The following RHBDL3 variants were observed in gnomAD, a reference collection of about 807,000 sequenced individuals.
RHBDL3 encodes the protein rhomboid-related protein 3.
A neutral mutation model predicts 48.2 loss-of-function variants in RHBDL3; 28 were observed. The ratio of observed to expected loss-of-function variants is 0.58; its 90% CI spans 0.43 to 0.80. RHBDL3 has a LOEUF of 0.80. Among genes scored for constraint, RHBDL3 ranks in the 30% least tolerant of loss-of-function variants. The probability of loss-of-function intolerance (pLI) is 0.00; values close to 1 mark genes in which losing one functional copy is unlikely to be tolerated. For missense variants in RHBDL3, 464 were observed against 542.7 expected, an observed-to-expected ratio of 0.85 and a Z score of 1.44; for synonymous variants, 208 against 232.3, an observed-to-expected ratio of 0.90 and a Z score of 0.95.
At chr17:32,319,269 A>G (rs1183941139) in intron 8 of RHBDL3, among the ~76,000 whole-genome samples, 3 of 151,914 alleles carry the variant, frequency 2.0e-5, no homozygotes. Flanking sequence ...AAAAATACAA[A>G]AAATTAGCCG....
chr17:32,294,411 C>T lies in RHBDL3; in HGVS notation c.637C>T (p.Arg213Cys), dbSNP rs748863522. The T allele has an allele frequency of 8.1e-6, 13 of 1,614,098 alleles. 1 individual carries two copies. The highest frequency in any genetic ancestry group is 1.0e-5 in the Non-Finnish European group (12 of 1,179,980). Residue 213 changes from arginine to cysteine, a missense_variant, in exon 5 of 9, where the codon CGC becomes TGC. Physicochemically the swap from Arg to Cys is radical, Grantham distance 180 (BLOSUM62 -3). Coordinates refer to ENST00000269051, the MANE Select transcript of RHBDL3 (RefSeq NM_138328.3). ...YHPQLRAQVW[R>C]YLTYIFMHAG... Reference sequence around the variant, plus strand: ...CCCACAGCTGCGAGCACAGGTTTGGCGCTACCTGACATACATCTTCATGCA... The same window carrying T: ...CCCACAGCTGCGAGCACAGGTTTGGTGCTACCTGACATACATCTTCATGCA...
intron 6 of RHBDL3, among the ~76,000 whole-genome samples, chr17:32,298,464 C>T (rs569051538): frequency 4.7e-4 from 72 of 152,364 alleles, no homozygotes; most frequent in Middle Eastern, 3.4e-3. Flanking sequence ...AACCGACTCT[C>T]GGTCTCACAC....
chr17:32,303,251 C>A (rs1361442616), intron 6 of RHBDL3, among the ~76,000 whole-genome samples: 1 of 152,152 alleles, frequency 6.6e-6, no homozygotes, highest in African/African-American at 2.4e-5. Context: ...GGAGTGGACT[C>A]TGGGCCAGTT....
chr17:32,288,723 CTGGGAAGTGGG>C (rs2040254305), intron 3 of RHBDL3, 58 bp from the exon 4 acceptor site: 1 of 1,166,592 alleles, frequency 8.6e-7, no homozygotes, highest in African/African-American at 1.5e-5. Context: ...AACATGCTGG[CTGGGAAGTGGG>C]TGGGGAGCTC....
chr17:32,288,843 C>A lies in RHBDL3; in HGVS notation c.346C>A (p.Arg116Ser). 1 of 1,613,994 alleles carries A rather than the reference C, an allele frequency of 6.2e-7. No homozygotes were observed. The highest frequency in any genetic ancestry group is 8.5e-7 in the Non-Finnish European group (1 of 1,179,944). The part of the protein sequence containing the change: ...SFRQAILQGN[R>S]RLSSKALLEE... ...CCGCCAAGCCATCCTGCAGGGCAAC[C>A]GCAGGCTAAGCAGCAAGGCCCTGCT... The change falls in exon 4 of 9, where the codon CGC becomes AGC. Residue 116 changes from arginine (R) to serine (S), a missense_variant. Physicochemically the swap from Arg to Ser is moderately radical, Grantham distance 110 (BLOSUM62 -1). Transcript: ENST00000269051.
chr17:32,321,543 G>C lies in RHBDL3; in HGVS notation c.*314G>C. 3.8e-6 allele frequency: 2 copies of C among 523,962 alleles called. No individual in the cohort carries two copies. Among genetic ancestry groups the C allele is most frequent in the South Asian group, 4.1e-5 (2 of 49,270 alleles). The allele number at this position is 523,962 out of a possible 1,614,324, so 32.5% of individuals were successfully genotyped here. On this transcript the variant is annotated 3_prime_UTR_variant, in exon 9 of 9. Coordinates refer to ENST00000269051, the MANE Select transcript of RHBDL3 (RefSeq NM_138328.3). ...GGCTGGGCTTCTTCCATGGGGCCAG[G>C]GGGTGCCCCCTCACTGCTGCGGATT... is the stretch of plus-strand genomic sequence containing the variant.
At chr17:32,278,260 T>C (rs554069279) in intron 2 of RHBDL3, among the ~76,000 whole-genome samples, 6 of 152,174 alleles carry the variant, frequency 3.9e-5, no homozygotes, top group Non-Finnish European at 8.8e-5. Context: ...ATCGCACCAC[T>C]GCATTCCAGC....
chr17:32,306,241 G>A (rs562180988), intron 7 of RHBDL3, among the ~76,000 whole-genome samples: 2 of 151,926 alleles, frequency 1.3e-5, no homozygotes. Flanking sequence ...GGCCAACATG[G>A]TGAAACCCCA....
intron 2 of RHBDL3, among the ~76,000 whole-genome samples, chr17:32,269,123 G>A (rs1252697539): frequency 6.6e-6 from 1 of 152,178 alleles, no homozygotes; most frequent in Non-Finnish European, 1.5e-5. Context: ...TAAGGCGGGA[G>A]GATCACTTGA....
intron 2 of RHBDL3, among the ~76,000 whole-genome samples, chr17:32,273,210 C>G (rs2039815432): frequency 1.3e-5 from 2 of 152,170 alleles, no homozygotes; most frequent in Admixed American, 6.5e-5. Flanking sequence ...CCACTTTGGC[C>G]AGGCTGGTCT....
At chr17:32,298,620 G>A (rs893696528) in intron 6 of RHBDL3, among the ~76,000 whole-genome samples, 2 of 152,222 alleles carry the variant, frequency 1.3e-5, no homozygotes, top group Non-Finnish European at 1.5e-5. Context: ...ACAGTGCTCC[G>A]AAAACTGCAA....
intron 3 of RHBDL3, 22 bp downstream of exon 3, chr17:32,284,839 G>A: frequency 1.9e-6 from 3 of 1,607,506 alleles, no homozygotes; most frequent in Non-Finnish European, 2.6e-6. Flanking sequence ...GGGGCCCTTG[G>A]TACTCGGGGG....
At chr17:32,294,555 G>A in intron 5 of RHBDL3, 113 bp downstream of exon 5, 1 of 1,055,386 alleles carries the variant, frequency 9.5e-7, no homozygotes, top group African/African-American at 1.6e-5. Flanking sequence ...TTGGACATAG[G>A]ATTTGGGATG....
chr17:32,314,429 C>T (rs1317902507), intron 7 of RHBDL3, among the ~76,000 whole-genome samples: 5 of 151,966 alleles, frequency 3.3e-5, no homozygotes, highest in Admixed American at 1.3e-4. Context: ...GTAATCCACC[C>T]GCCTCAGCCT....
chr17:32,270,975 C>T (rs1003587247), intron 2 of RHBDL3, among the ~76,000 whole-genome samples: 6 of 152,124 alleles, frequency 3.9e-5, no homozygotes, highest in Admixed American at 3.3e-4. Context: ...GTGGGCAGAT[C>T]GCTTGAGCCC....
chr17:32,290,103 C>G (rs1191469788), intron 4 of RHBDL3, among the ~76,000 whole-genome samples: 2 of 152,274 alleles, frequency 1.3e-5, no homozygotes, highest in East Asian at 3.9e-4. Context: ...GATTTGCTAC[C>G]AGGCCACCCT....
At chr17:32,313,320 C>T (rs889467421) in intron 7 of RHBDL3, among the ~76,000 whole-genome samples, 30 of 152,190 alleles carry the variant, frequency 2.0e-4, no homozygotes, top group Non-Finnish European at 7.4e-5. Context: ...TGCATTGCTG[C>T]ATTCCAGCCT....
At chr17:32,309,215 TGA>T (rs972135236) in intron 7 of RHBDL3, among the ~76,000 whole-genome samples, 13 of 143,966 alleles carry the variant, frequency 9.0e-5, no homozygotes, top group Non-Finnish European at 1.7e-4. Flanking sequence ...TGTGTGTGTG[TGA>T]GATACACAGT....
intron 7 of RHBDL3, among the ~76,000 whole-genome samples, chr17:32,312,720 G>C (rs1338532464): frequency 6.6e-6 from 1 of 151,888 alleles, no homozygotes; most frequent in African/African-American, 2.4e-5. Flanking sequence ...GGGTTTTGCT[G>C]TTTGCCAGGC....
Sources: gnomAD v4.1 joint callset for allele counts (sites outside exome capture counted in the v4.1 genomes callset) on GRCh38, gnomAD v4.1.1 for gene constraint, MANE v1.5 for transcripts, NCBI Gene and HGNC (gene_info 2026-07-23, HGNC 2026-07-21) for gene names.